Variants in TAB2 observed in about 807,000 individuals in gnomAD.
TAB2 encodes TGF-beta-activated kinase 1 and MAP3K7-binding protein 2.
In TAB2, 3 loss-of-function variants were observed where a neutral mutation model predicts 65.0. The observed-to-expected ratio is 0.05, with a 90% CI of 0.02 to 0.12. The LOEUF (loss-of-function observed/expected upper bound fraction) is 0.12, where lower values mean the gene tolerates loss of function less well. TAB2 is among the 10% of genes least tolerant of loss of function. The probability of loss-of-function intolerance (pLI) is 1.00; values close to 1 mark genes in which losing one functional copy is unlikely to be tolerated. For missense variants in TAB2, 623 were observed against 840.3 expected, an observed-to-expected ratio of 0.74 and a Z score of 3.20; for synonymous variants, 298 against 285.1, an observed-to-expected ratio of 1.05 and a Z score of -0.46.
At chr6:149,393,475 C>T (rs1241439611) in intron 3 of TAB2, among the ~76,000 whole-genome samples, 1 of 152,320 alleles carries the variant, frequency 6.6e-6, no homozygotes, top group Admixed American at 6.5e-5. Context: ...AACCTCAAAA[C>T]ACCTCACAAC....
In TAB2 at chr6:149,264,095, C is replaced by G. The variant is rs138802273; in HGVS notation, c.-121+45319C>G. ...CAGGCCGCTGTAGGTTGTGTTGGCC[C>G]GAGGACCCAGCAGAATGGGCAGGTA... On this transcript the variant is annotated intron_variant, in intron 1 of 1. Coordinates refer to the TAB2 transcript ENST00000606202. Among the ~76,000 whole-genome samples, 21 of 152,282 alleles carry G rather than the reference C, an allele frequency of 1.4e-4. No individual in the cohort carries two copies. In the East Asian group the frequency reaches 3.5e-3, roughly 25 times the overall value.
chr6:149,325,811 C>T (rs368795321), intron 1 of TAB2, among the ~76,000 whole-genome samples: 6 of 152,334 alleles, frequency 3.9e-5, no homozygotes, highest in Admixed American at 2.0e-4. Flanking sequence ...ACAACCACAG[C>T]TCACTGAAGT....
intron 3 of TAB2, among the ~76,000 whole-genome samples, chr6:149,391,157 A>G (rs541425448): frequency 6.6e-6 from 1 of 152,336 alleles, no homozygotes; most frequent in African/African-American, 2.4e-5. Flanking sequence ...TCTTGGTTGA[A>G]TATCATTTCT....
chr6:149,308,821 C>T (rs983051237), intron 1 of TAB2, among the ~76,000 whole-genome samples: 11 of 152,192 alleles, frequency 7.2e-5, no homozygotes, highest in African/African-American at 2.2e-4. Context: ...CCACCACGTC[C>T]GGCCGATATT....
intron 1 of TAB2, among the ~76,000 whole-genome samples, chr6:149,321,597 A>G (rs957708396): frequency 3.9e-5 from 6 of 152,224 alleles, no homozygotes; most frequent in African/African-American, 1.4e-4. Flanking sequence ...AGATGCCAGA[A>G]TAATGATCCC....
At chr6:149,347,311 A>G (rs865944675) in intron 1 of TAB2, 2 of 152,234 alleles carry the variant, frequency 1.3e-5, no homozygotes, top group African/African-American at 4.8e-5. Context: ...GAGGCAGTGC[A>G]TTAAATGACA....
Position 149,259,334 on chromosome 6 carries a change from T to TACACACACACAC in TAB2, c.-121+40586_-121+40597dup, listed in dbSNP as rs61261942. 4.7e-3 allele frequency among the ~76,000 whole-genome samples: 681 copies of TACACACACACAC among 146,020 alleles called. 3 individuals are homozygous for TACACACACACAC. Among genetic ancestry groups the TACACACACACAC allele is most frequent in the African/African-American group, 0.014 (563 of 39,524 alleles). On this transcript the variant is annotated intron_variant, in intron 1 of 1. Transcript: ENST00000606202. Reference sequence around the variant, plus strand: ...AAGGCTGCCTATAGCACGCTCCCTCTACACACACACACACACACACACACA... The same window carrying TACACACACACAC: ...AAGGCTGCCTATAGCACGCTCCCTCTACACACACACACACACACACACACACACACACACACA...
intron 1 of TAB2, among the ~76,000 whole-genome samples, chr6:149,360,671 T>C (rs772983101): frequency 2.4e-4 from 36 of 152,210 alleles, no homozygotes; most frequent in Non-Finnish European, 4.6e-4. Context: ...TTTCAAAATA[T>C]AATCATTCCT....
chr6:149,401,932 A>G (rs1193378675), intron 6 of TAB2, among the ~76,000 whole-genome samples: 2 of 152,060 alleles, frequency 1.3e-5, no homozygotes, highest in East Asian at 3.8e-4. Flanking sequence ...ATAGCATACT[A>G]GAACCTATGG....
intron 1 of TAB2, among the ~76,000 whole-genome samples, chr6:149,364,424 CAG>C (rs1183469692): frequency 6.6e-6 from 1 of 152,112 alleles, no homozygotes; most frequent in Non-Finnish European, 1.5e-5. Flanking sequence ...AAGAGAAAAA[CAG>C]TGGCTGTGAT....
chr6:149,378,019 A>C lies in TAB2; in HGVS notation c.104A>C (p.Asn35Thr). 6.2e-7 allele frequency: 1 copy of C among 1,613,278 alleles called. No homozygotes were observed. ...AATCAATTTATTTTGTTTTCATAGA[A>C]TAATAATAACCTGGATGCCTGCTGT... is the stretch of plus-strand genomic sequence containing the variant. The part of the protein sequence containing the change: ...EVVVSRCMLQ[N>T]NNNLDACCAV... Residue 35 changes from asparagine (N) to threonine (T), a missense_variant and splice_region_variant, in exon 3 of 7, where the codon AAT becomes ACT. Coordinates refer to ENST00000637181, the MANE Select transcript of TAB2 (RefSeq NM_001292034.3).
chr6:149,400,693 T>C (rs772573312), intron 6 of TAB2: 1 of 1,611,788 alleles, frequency 6.2e-7, no homozygotes, highest in Non-Finnish European at 8.5e-7. Context: ...GGGAACCTGC[T>C]TCTTTACTCC....
Position 149,328,829 on chromosome 6 carries a change from G to C in TAB2, c.-90+10814G>C, listed in dbSNP as rs1040895453. The stretch of plus-strand genomic sequence containing the variant: ...GTCTCCTATGGATAAGGATTAGGCA[G>C]TATCTCCTATTCAGTAAGGGATGAA... On this transcript the variant is annotated intron_variant, in intron 1 of 6. Transcript: ENST00000637181. Among the ~76,000 whole-genome samples the C allele has an allele frequency of 2.0e-5, 3 of 152,172 alleles. No individual in the cohort carries two copies. In the South Asian group the frequency reaches 6.2e-4, roughly 31 times the overall value.
At chr6:149,389,553 G>C (rs921395240) in intron 3 of TAB2, among the ~76,000 whole-genome samples, 1 of 150,722 alleles carries the variant, frequency 6.6e-6, no homozygotes, top group Admixed American at 6.6e-5. Flanking sequence ...GCTGAGGCAG[G>C]AGAATCACTT....
At chr6:149,394,364 T>G (rs1782096577) in intron 3 of TAB2, among the ~76,000 whole-genome samples, 1 of 152,226 alleles carries the variant, frequency 6.6e-6, no homozygotes, top group South Asian at 2.1e-4. Flanking sequence ...CTTTAACATA[T>G]TAATCATAGT....
At chr6:149,308,179 C>G (rs1037366546) in intron 1 of TAB2, among the ~76,000 whole-genome samples, 1 of 152,142 alleles carries the variant, frequency 6.6e-6, no homozygotes, top group African/African-American at 2.4e-5. Context: ...AGGTAAGCAT[C>G]CTTTGACACA....
At chr6:149,393,999 A>G (rs1040185161) in intron 3 of TAB2, among the ~76,000 whole-genome samples, 5 of 152,042 alleles carry the variant, frequency 3.3e-5, no homozygotes, top group African/African-American at 1.2e-4. Flanking sequence ...GTTGTATTTC[A>G]TTAATGTTGG....
intron 6 of TAB2, among the ~76,000 whole-genome samples, chr6:149,405,052 A>T (rs972170810): frequency 2.8e-4 from 43 of 152,240 alleles, no homozygotes; most frequent in Non-Finnish European, 6.0e-4. Context: ...TAAGGAACTC[A>T]TGCAAATCAA....
At chr6:149,303,887 G>A (rs1779012506) in intron 1 of TAB2, among the ~76,000 whole-genome samples, 1 of 152,252 alleles carries the variant, frequency 6.6e-6, no homozygotes, top group South Asian at 2.1e-4. Context: ...GCAATGAGTG[G>A]TGAGTGCCTT....
Sources: gnomAD v4.1 joint callset for allele counts (sites outside exome capture counted in the v4.1 genomes callset) on GRCh38, gnomAD v4.1.1 for gene constraint, MANE v1.5 for transcripts, NCBI Gene and HGNC (gene_info 2026-07-23, HGNC 2026-07-21) for gene names.